MAP3K1: variants seen among roughly 807,000 people sequenced by gnomAD.
MAP3K1 encodes the protein mitogen-activated protein kinase kinase kinase 1.
In MAP3K1, 36 loss-of-function variants were observed where a neutral mutation model predicts 144.2. The observed-to-expected ratio is 0.25, with a 90% CI of 0.19 to 0.33. The LOEUF (loss-of-function observed/expected upper bound fraction) is 0.33. MAP3K1 is among the 10% of genes least tolerant of loss of function. The pLI, the probability that MAP3K1 is intolerant of heterozygous loss-of-function variation, is 1.00. For synonymous variants in MAP3K1, 718 were observed against 688.7 expected, an observed-to-expected ratio of 1.04 and a Z score of -0.67; for missense variants, 1,650 against 1,881.9, an observed-to-expected ratio of 0.88 and a Z score of 2.28.
chr5:56,872,869 C>T lies in MAP3K1; in HGVS notation c.1550C>T (p.Ala517Val), dbSNP rs1237999109. ...SPVDSPSSLR[A>V]AQQQTVQQQP... ...GTGGATTCCCCTTCTTCCCTCAGAG[C>T]TGCACAGCAGCAAACCGTACAGCAG... Residue 517 changes from alanine (A) to valine (V), a missense_variant, in exon 9 of 20, where the codon GCT (alanine) becomes GTT (valine). Around this residue, in one of 6 missense-constraint regions of MAP3K1, gnomAD observed 841 missense variants for 886.5 expected, o/e 0.95. Transcript: ENST00000399503. The T allele has an allele frequency of 1.2e-6, 2 of 1,614,162 alleles. No individual in the cohort carries two copies. Among genetic ancestry groups the T allele is most frequent in the Non-Finnish European group, 1.7e-6 (2 of 1,180,014 alleles).
At chr5:56,877,712 C>G (rs1748084089) in intron 10 of MAP3K1, among the ~76,000 whole-genome samples, 1 of 152,006 alleles carries the variant, frequency 6.6e-6, no homozygotes, top group Non-Finnish European at 1.5e-5. Flanking sequence ...CCAACAGTGC[C>G]CTTCATAGCT....
chr5:56,852,609 T>C (rs1033266054), intron 1 of MAP3K1, among the ~76,000 whole-genome samples: 1 of 152,248 alleles, frequency 6.6e-6, no homozygotes, highest in African/African-American at 2.4e-5. Context: ...ATTTTATTTA[T>C]TTTTAAGTCT....
chr5:56,815,920 C>A lies in MAP3K1; in HGVS notation c.347C>A (p.Ala116Asp). Residue 116 changes from alanine (A) to aspartate (D), a missense_variant, in exon 1 of 20, where the codon GCC becomes GAC. By Grantham distance (126) the Ala-to-Asp change is moderately radical. Around this residue, in one of 6 missense-constraint regions of MAP3K1, gnomAD observed 360 missense variants for 274.7 expected, o/e 1.31. Transcript: ENST00000399503. ...QPVAVPPPHG[A>D]ASRGGAHLTE... ...GTGGCGGTGCCGCCGCCCCACGGAG[C>A]CGCGAGCCGCGGCGGCGCCCACCTT... 1.6e-6 allele frequency: 2 copies of A among 1,277,842 alleles called. No homozygotes were observed. Among genetic ancestry groups the A allele is most frequent in the Non-Finnish European group, 9.9e-7 (1 of 1,014,920 alleles). The allele number at this position is 1,277,842 out of a possible 1,614,324, so 79.2% of individuals were successfully genotyped here.
intron 19 of MAP3K1, among the ~76,000 whole-genome samples, chr5:56,890,881 CAA>C (rs71602968): frequency 5.2e-5 from 7 of 135,502 alleles, no homozygotes; most frequent in Admixed American, 7.4e-5. Flanking sequence ...CCATCTCTAC[CAA>C]AAAAAAAAAA....
Position 56,815,990 on chromosome 5 carries a change from A to G in MAP3K1, c.417A>G (p.Ala139=). Residue 139 remains alanine (A), a synonymous_variant, in exon 1 of 20, where the codon GCA becomes GCG. Coordinates refer to ENST00000399503, the MANE Select transcript of MAP3K1 (RefSeq NM_005921.2). Reference sequence around the variant, plus strand: ...CGGACAGCGGCGCCTCGAGTCCCGCAGCGGCCGAGCCCGGGGAGAAGCGGG... The same window carrying G: ...CGGACAGCGGCGCCTCGAGTCCCGCGGCGGCCGAGCCCGGGGAGAAGCGGG... The part of the protein sequence containing the change: ...AAPDSGASSP[A]AAEPGEKRAP... The G allele has an allele frequency of 8.0e-7, 1 of 1,244,594 alleles. No homozygotes were observed. The highest frequency in any genetic ancestry group is 3.3e-5 in the South Asian group (1 of 30,324). 77.1% of individuals were successfully genotyped at this position (1,244,594 alleles called of 1,614,324 possible). A position where few individuals can be genotyped will look rare whatever the true frequency, so the allele number is the denominator to read the frequency against.
rs1297740229 is a variant in MAP3K1 at position 56,872,649 on chromosome 5, G to C, written c.1432G>C (p.Glu478Gln). The C allele has an allele frequency of 6.3e-7, 1 of 1,594,964 alleles. No homozygotes were observed. The highest frequency in any genetic ancestry group is 1.3e-5 in the African/African-American group (1 of 74,514). Residue 478 changes from glutamate (E) to glutamine (Q), a missense_variant, in exon 8 of 20, where the codon GAG (glutamate) becomes CAG (glutamine). Physicochemically the swap from Glu to Gln is conservative, Grantham distance 29. Coordinates refer to ENST00000399503, the MANE Select transcript of MAP3K1 (RefSeq NM_005921.2). ...TTTCTGTAATTTTTCAGGGGCAGAA[G>C]AGTGTAGAAGAAATAGAGAACCTTT... ...HHHCMSIWAE[E>Q]CRRNREPLIC...
intron 1 of MAP3K1, among the ~76,000 whole-genome samples, chr5:56,828,949 A>G (rs993809520): frequency 2.0e-5 from 3 of 152,136 alleles, no homozygotes; most frequent in African/African-American, 7.2e-5. Context: ...GTGAAAATTT[A>G]CATTTAATTA....
At chr5:56,833,435 TG>T in intron 1 of MAP3K1, among the ~76,000 whole-genome samples, 1 of 152,336 alleles carries the variant, frequency 6.6e-6, no homozygotes, top group African/African-American at 2.4e-5. Flanking sequence ...GCTTCTCATT[TG>T]GTGCCTACGC....
At position 56,880,340 on chromosome 5, in the gene MAP3K1, G is replaced by T. The variant is rs113939262; in HGVS notation, c.2088-371G>T. 5.9e-3 allele frequency among the ~76,000 whole-genome samples: 891 copies of T among 152,262 alleles called. 7 individuals are homozygous for T. Among genetic ancestry groups the T allele is most frequent in the Non-Finnish European group, 0.011 (738 of 68,008 alleles). ...AAGGAAATGGAGGGTTTTTGGATAG[G>T]AAGGTTTTGTTTTTAATTCAAGAGC... is the stretch of plus-strand genomic sequence containing the variant. On this transcript the variant is annotated intron_variant, in intron 11 of 19. Coordinates refer to ENST00000399503, the MANE Select transcript of MAP3K1 (RefSeq NM_005921.2).
chr5:56,847,131 G>A (rs1291671298), intron 1 of MAP3K1, among the ~76,000 whole-genome samples: 2 of 152,322 alleles, frequency 1.3e-5, no homozygotes, highest in Middle Eastern at 3.4e-3. Flanking sequence ...CTTTTTCTTA[G>A]TGTTTATCTG....
chr5:56,883,419 T>C (rs1425252629), intron 14 of MAP3K1, 108 bp from the exon 15 acceptor site: 16 of 1,017,748 alleles, frequency 1.6e-5, no homozygotes, highest in Non-Finnish European at 2.3e-5. Context: ...AGGTCACATT[T>C]ATAGGTGGTT....
rs1747447635 is a variant in MAP3K1 at position 56,859,754 on chromosome 5, A to G, written c.673A>G (p.Met225Val). The stretch of plus-strand genomic sequence containing the variant: ...CCCAGTTAAAGGAGATGGATCTGAA[A>G]TGAATCACTTAGCAGCTGAGTCTCC... ...PIPVKGDGSE[M>V]NHLAAESPGE... Residue 225 changes from methionine to valine, a missense_variant, in exon 3 of 20, where the codon ATG becomes GTG. Met to Val is a conservative substitution (Grantham distance 21). This residue lies in a region of MAP3K1 where 148 missense variants were observed against 177.2 expected (regional missense o/e 0.84). Coordinates refer to ENST00000399503, the MANE Select transcript of MAP3K1 (RefSeq NM_005921.2). The G allele has an allele frequency of 3.7e-6, 6 of 1,614,114 alleles. No homozygotes were observed. Among genetic ancestry groups the G allele is most frequent in the Non-Finnish European group, 5.1e-6 (6 of 1,180,006 alleles).
chr5:56,885,891 T>C lies in MAP3K1; in HGVS notation c.3983-41T>C, dbSNP rs774501957. On this transcript the variant is annotated intron_variant, in intron 16 of 19. Coordinates refer to ENST00000399503, the MANE Select transcript of MAP3K1 (RefSeq NM_005921.2). ...CCAAAGTGTAATAAATACTTTTAAT[T>C]CTGTCTTAAGTTTATGATAATTATT... 14 of 1,588,280 alleles carry C rather than the reference T, an allele frequency of 8.8e-6. No individual in the cohort carries two copies. In the South Asian group the frequency reaches 1.6e-4, roughly 18 times the overall value.
Position 56,816,028 on chromosome 5 carries a change from A to T in MAP3K1, c.455A>T (p.Glu152Val), listed in dbSNP as rs1745942675. Residue 152 changes from glutamate (E) to valine (V), a missense_variant, in exon 1 of 20, where the codon GAG becomes GTG. By Grantham distance (121) the Glu-to-Val change is moderately radical. Around this residue, in one of 6 missense-constraint regions of MAP3K1, gnomAD observed 360 missense variants for 274.7 expected, o/e 1.31. Transcript: ENST00000399503. ...EPGEKRAPAA[E>V]PSPAAAPAGR... ...GGGGAGAAGCGGGCGCCCGCCGCCGAGCCGTCTCCTGCAGCGGCCCCCGCC... is the reference window on the plus strand; with the variant it reads ...GGGGAGAAGCGGGCGCCCGCCGCCGTGCCGTCTCCTGCAGCGGCCCCCGCC... 3 of 1,219,604 alleles carry T rather than the reference A, an allele frequency of 2.5e-6. No individual in the cohort carries two copies. The highest frequency in any genetic ancestry group is 3.2e-5 in the African/African-American group (2 of 63,474). 75.5% of individuals were successfully genotyped at this position (1,219,604 alleles called of 1,614,324 possible). A position where few individuals can be genotyped will look rare whatever the true frequency, so the allele number is the denominator to read the frequency against.
chr5:56,893,712 G>A lies in MAP3K1; in HGVS notation c.*32G>A. The A allele has an allele frequency of 6.2e-7, 1 of 1,612,028 alleles. No individual in the cohort carries two copies. Among genetic ancestry groups the A allele is most frequent in the Non-Finnish European group, 8.5e-7 (1 of 1,178,842 alleles). On this transcript the variant is annotated 3_prime_UTR_variant, in exon 20 of 20. Coordinates refer to ENST00000399503, the MANE Select transcript of MAP3K1 (RefSeq NM_005921.2). ...ATGCAGATCAACTACAGTAGAAACAGGATGCTCAACAAGAGAAAAAAAACT... is the reference window on the plus strand; with the variant it reads ...ATGCAGATCAACTACAGTAGAAACAAGATGCTCAACAAGAGAAAAAAAACT...
chr5:56,816,191 CT>C, intron 1 of MAP3K1, 136 bp downstream of exon 1: 1 of 920,256 alleles, frequency 1.1e-6, no homozygotes, highest in Non-Finnish European at 1.4e-6. Context: ...ACCTACGCCC[CT>C]GAGCACCCCC....
At chr5:56,893,407 C>A in intron 19 of MAP3K1, 124 bp from the exon 20 acceptor site, 1 of 1,000,400 alleles carries the variant, frequency 1.0e-6, no homozygotes, top group Non-Finnish European at 1.5e-6. Context: ...AAAATCCTCC[C>A]ACTTCTGCTT....
rs2111951676 is a variant in MAP3K1 at position 56,883,671 on chromosome 5, G to A, written c.3811G>A (p.Val1271Ile). 2 of 1,613,994 alleles carry A rather than the reference G, an allele frequency of 1.2e-6. No homozygotes were observed. Among genetic ancestry groups the A allele is most frequent in the Non-Finnish European group, 1.7e-6 (2 of 1,179,928 alleles). The change falls in exon 15 of 20, where the codon GTT becomes ATT. Residue 1271 changes from valine (V) to isoleucine (I), a missense_variant. By Grantham distance (29) the Val-to-Ile change is conservative. This residue lies in a region of MAP3K1 where 165 missense variants were observed against 322.9 expected (regional missense o/e 0.51). Transcript: ENST00000399503. ...QDVGTGTLMA[V>I]KQVTYVRNTS... ...TGTGGGAACTGGAACTTTAATGGCTGTTAAACAGGTAAATATCTAGTGAGC... is the reference window on the plus strand; with the variant it reads ...TGTGGGAACTGGAACTTTAATGGCTATTAAACAGGTAAATATCTAGTGAGC...
intron 1 of MAP3K1, among the ~76,000 whole-genome samples, chr5:56,840,169 A>G (rs1579730627): frequency 6.6e-6 from 1 of 152,206 alleles, no homozygotes; most frequent in Admixed American, 6.5e-5. Context: ...TTTTTTTGAG[A>G]TGGAGCCTTG....
Sources: gnomAD v4.1 joint callset for allele counts (sites outside exome capture counted in the v4.1 genomes callset) on GRCh38, gnomAD v4.1.1 for gene constraint, gnomAD v4.1.1 regional missense constraint, MANE v1.5 for transcripts, NCBI Gene and HGNC (gene_info 2026-07-23, HGNC 2026-07-21) for gene names.